PIGN: variants seen among roughly 807,000 people sequenced by gnomAD.
PIGN encodes the protein phosphatidylinositol glycan anchor biosynthesis class N, also known as GPI ethanolamine phosphate transferase 1.
Under a neutral mutation model 125.4 loss-of-function variants are expected in PIGN, and 117 were observed. The observed-to-expected ratio is 0.93, with a 90% confidence interval of 0.80 to 1.09. The LOEUF (loss-of-function observed/expected upper bound fraction) is 1.09, where lower values mean the gene tolerates loss of function less well. PIGN is among the 50% of genes least tolerant of loss of function. The probability of loss-of-function intolerance (pLI) is 0.00; values close to 1 mark genes in which losing one functional copy is unlikely to be tolerated. For synonymous variants in PIGN, 392 were observed against 377.8 expected (o/e 1.04, Z -0.44); for missense variants, 1,075 against 1,094.9 (o/e 0.98, Z 0.26).
Position 62,105,235 on chromosome 18 carries a change from A to G in PIGN, c.1859+308T>C, listed in dbSNP as rs150166280. 2.7e-3 allele frequency: 490 copies of G among 183,226 alleles called. 1 individual carries two copies. Among genetic ancestry groups the G allele is most frequent in the African/African-American group, 0.011 (458 of 42,462 alleles). 11.4% of individuals were successfully genotyped at this position (183,226 alleles called of 1,614,324 possible). ...GAATGTTTTTTCACATGAAACTAAA[A>G]CTTTTACTGATTCCTCCAAGCATAA... On this transcript the variant is annotated intron_variant, in intron 20 of 30. Coordinates refer to ENST00000640252, the MANE Select transcript of PIGN (RefSeq NM_176787.5).
rs1389129796 is a variant in PIGN, at chr18:62,043,005, A to G, written c.*2851T>C. On this transcript the variant is annotated 3_prime_UTR_variant, in exon 31 of 31. Transcript: ENST00000640252. ...TATTGCCATAGTACTGAAAGCACACAGCATAACAATCATTAATGCTTTGAA... is the reference window on the plus strand; with the variant it reads ...TATTGCCATAGTACTGAAAGCACACGGCATAACAATCATTAATGCTTTGAA... The G allele has an allele frequency of 1.3e-5, 2 of 152,240 alleles. No homozygotes were observed. The highest frequency in any genetic ancestry group is 4.8e-5 in the African/African-American group (2 of 41,462). 9.4% of individuals were successfully genotyped at this position (152,240 alleles called of 1,614,324 possible).
At chr18:62,030,604 A>G (rs2030182439) in intron 23 of PIGN, among the ~76,000 whole-genome samples, 1 of 152,108 alleles carries the variant, frequency 6.6e-6, no homozygotes, top group Non-Finnish European at 1.5e-5. Context: ...AGAGTAGTGA[A>G]CTCCACCTTT....
In PIGN at chr18:62,106,193, G is replaced by A. The variant is rs958306553; in HGVS notation, c.1768-559C>T. On this transcript the variant is annotated intron_variant, in intron 19 of 30. Transcript: ENST00000640252. ...TAAAAGATCGATAATCCCATTCATT[G>A]AAGATTTTTTAATAAATTCTCAGAG... 3.9e-5 allele frequency among the ~76,000 whole-genome samples: 6 copies of A among 152,100 alleles called. No individual in the cohort carries two copies. The South Asian group carries it at 1.2e-3, about 32-fold the overall frequency.
At chr18:62,033,554 T>C (rs1341206185) in intron 23 of PIGN, among the ~76,000 whole-genome samples, 1 of 152,242 alleles carries the variant, frequency 6.6e-6, no homozygotes, top group African/African-American at 2.4e-5. Context: ...ATGTGATCAA[T>C]GGAATTAAAT....
At position 62,105,539 on chromosome 18, in the gene PIGN, A is replaced by C; in HGVS notation, c.1859+4T>G. 1 of 1,470,516 alleles carries C rather than the reference A, an allele frequency of 6.8e-7. No individual in the cohort carries two copies. Among genetic ancestry groups the C allele is most frequent in the Non-Finnish European group, 9.3e-7 (1 of 1,073,172 alleles). The allele number at this position is 1,470,516 out of a possible 1,614,324, so 91.1% of individuals were successfully genotyped here. ...AATAGAATAAAATACAATATTATTCATACACTAGAGAGATGTCTGGCTTTC... is the reference window on the plus strand; with the variant it reads ...AATAGAATAAAATACAATATTATTCCTACACTAGAGAGATGTCTGGCTTTC... On this transcript the variant is annotated splice_donor_region_variant and intron_variant, in intron 20 of 30. Coordinates refer to ENST00000640252, the MANE Select transcript of PIGN (RefSeq NM_176787.5).
intron 25 of PIGN, among the ~76,000 whole-genome samples, chr18:62,086,278 T>C (rs2033696455): frequency 1.3e-5 from 2 of 152,022 alleles, no homozygotes; most frequent in African/African-American, 4.8e-5. Context: ...TCGAAGGATA[T>C]GGTGAAAGAT....
chr18:62,109,850 A>G lies in PIGN; in HGVS notation c.1558T>C (p.Tyr520His). Residue 520 changes from tyrosine (Y) to histidine (H), a missense_variant, in exon 17 of 31, where the codon TAT becomes CAT. Tyr to His is a moderately conservative substitution (Grantham distance 83). This residue lies in a region of PIGN where 915 missense variants were observed against 908.7 expected (regional missense o/e 1.01). Coordinates refer to ENST00000640252, the MANE Select transcript of PIGN (RefSeq NM_176787.5). ...VYGLLPLPIWYAVLREFQVIQ... is the reference protein window; with the variant it reads ...VYGLLPLPIWHAVLREFQVIQ... ...ATTACTTACTCTCTTAGAACCGCAT[A>G]CCATATTGGCAGTGGCAACAAACCA... 6.2e-7 allele frequency: 1 copy of G among 1,612,170 alleles called. No homozygotes were observed. Among genetic ancestry groups the G allele is most frequent in the South Asian group, 1.1e-5 (1 of 90,758 alleles).
chr18:62,018,809 C>A (rs1038300884), intron 23 of PIGN, among the ~76,000 whole-genome samples: 1 of 152,080 alleles, frequency 6.6e-6, no homozygotes, highest in Non-Finnish European at 1.5e-5. Flanking sequence ...TGCCTTGAAG[C>A]CAGAAAGGAG....
chr18:62,081,365 G>C (rs886339883), intron 28 of PIGN, among the ~76,000 whole-genome samples: 1 of 152,150 alleles, frequency 6.6e-6, no homozygotes, highest in Admixed American at 6.5e-5. Context: ...TGAGAAGCTA[G>C]TTTGCAATAG....
At chr18:62,058,313 T>C (rs1408272041) in intron 30 of PIGN, among the ~76,000 whole-genome samples, 2 of 152,244 alleles carry the variant, frequency 1.3e-5, no homozygotes. Flanking sequence ...GTTGACAATA[T>C]TGACTGACTT....
At chr18:62,070,626 T>C in intron 30 of PIGN, 1 of 395,410 alleles carries the variant, frequency 2.5e-6, no homozygotes, top group Non-Finnish European at 4.5e-6. Flanking sequence ...AAAATCAGTA[T>C]ACAAAAATGT....
Position 62,109,865 on chromosome 18 carries a change from G to C in PIGN, c.1543C>G (p.Pro515Ala). The C allele has an allele frequency of 6.2e-7, 1 of 1,612,358 alleles. No homozygotes were observed. Among genetic ancestry groups the C allele is most frequent in the Non-Finnish European group, 8.5e-7 (1 of 1,178,926 alleles). Residue 515 changes from proline to alanine, a missense_variant, in exon 17 of 31, where the codon CCA (proline) becomes GCA (alanine). Pro to Ala is a conservative substitution (Grantham distance 27). Around this residue, in one of 3 missense-constraint regions of PIGN, gnomAD observed 915 missense variants for 908.7 expected, o/e 1.01. Coordinates refer to ENST00000640252, the MANE Select transcript of PIGN (RefSeq NM_176787.5). ...AGAACCGCATACCATATTGGCAGTG[G>C]CAACAAACCATATACATAATATGTC... ...PWTYYVYGLL[P>A]LPIWYAVLRE...
chr18:62,176,205 C>A (rs2037520119), intron 1 of PIGN, among the ~76,000 whole-genome samples: 2 of 151,860 alleles, frequency 1.3e-5, no homozygotes, highest in Non-Finnish European at 2.9e-5. Flanking sequence ...GACTTATTAT[C>A]CTTATCTCTA....
chr18:62,037,885 T>C (rs9957966), downstream of PIGN, among the ~76,000 whole-genome samples: 1,820 of 152,194 alleles, frequency 0.012, 26 homozygotes, highest in East Asian at 0.049. Context: ...AGATCATGAG[T>C]GTAAAGCCCC....
At chr18:62,122,858 T>C (rs932920957) in intron 14 of PIGN, among the ~76,000 whole-genome samples, 1 of 152,180 alleles carries the variant, frequency 6.6e-6, no homozygotes, top group African/African-American at 2.4e-5. Context: ...GTTTTAGATA[T>C]AATATAGTAT....
intron 1 of PIGN, chr18:62,174,201 G>A (rs867592826): frequency 1.7e-4 from 25 of 146,698 alleles, no homozygotes; most frequent in African/African-American, 5.2e-4. Context: ...GCGACAAAGC[G>A]AGACTCCAAC....
chr18:62,137,371 G>T (rs188801822), intron 14 of PIGN: 2 of 361,754 alleles, frequency 5.5e-6, no homozygotes, highest in Non-Finnish European at 9.8e-6. Context: ...TATTGCAGAC[G>T]GTCTATTCTG....
At chr18:62,175,821 A>G (rs559569377) in intron 1 of PIGN, among the ~76,000 whole-genome samples, 1 of 152,300 alleles carries the variant, frequency 6.6e-6, no homozygotes, top group South Asian at 2.1e-4. Context: ...CCCCCAGTTC[A>G]CTAAAAAGTA....
chr18:62,138,626 C>G (rs911698367), intron 13 of PIGN, among the ~76,000 whole-genome samples: 2 of 152,156 alleles, frequency 1.3e-5, no homozygotes, highest in Non-Finnish European at 2.9e-5. Context: ...AAAGGGTCAC[C>G]TCTTTAAATT....
Sources: allele counts gnomAD v4.1 joint callset (sites outside exome capture counted in the v4.1 genomes callset), GRCh38; gene constraint gnomAD v4.1.1; regional missense constraint gnomAD v4.1.1; transcripts MANE v1.5; gene names NCBI Gene and HGNC (gene_info 2026-07-23, HGNC 2026-07-21).